Variants in SPAG5 observed in about 807,000 individuals in gnomAD.
The protein encoded by SPAG5 is sperm-associated antigen 5.
Under a neutral mutation model 145.4 loss-of-function variants are expected in SPAG5, and 99 were observed. The observed-to-expected ratio is 0.68, with a 90% CI of 0.58 to 0.80. The LOEUF (loss-of-function observed/expected upper bound fraction) is 0.80, where lower values mean the gene tolerates loss of function less well. Ranked by LOEUF, SPAG5 falls within the 30% of genes least tolerant of loss-of-function variation. The pLI is 0.00. For missense variants in SPAG5, 1,192 were observed against 1,416.0 expected (o/e 0.84, Z 2.54); for synonymous variants, 477 against 525.4 (o/e 0.91, Z 1.26).
At position 28,595,998 on chromosome 17, in the gene SPAG5, G is replaced by C. The variant is rs554572504; in HGVS notation, c.177+2512C>G. 2.7e-3 allele frequency among the ~76,000 whole-genome samples: 417 copies of C among 152,090 alleles called. 1 individual carries two copies. The highest frequency in any genetic ancestry group is 9.7e-3 in the African/African-American group (402 of 41,492). ...GGAGGCGGAGGTTGCAGTGACCCTA[G>C]ATGGCACCACTGCACTCCAGCCTGG... On this transcript the variant is annotated intron_variant, in intron 2 of 23. Coordinates refer to ENST00000321765, the MANE Select transcript of SPAG5 (RefSeq NM_006461.4).
chr17:28,591,647 T>C (rs1597598027), intron 4 of SPAG5, 51 bp downstream of exon 4: 2 of 1,516,102 alleles, frequency 1.3e-6, no homozygotes, highest in Non-Finnish European at 8.9e-7. Flanking sequence ...TCAGCTTAAA[T>C]TCCAAGGATC....
rs754366460 is a variant in SPAG5, at chr17:28,586,549, T to G, written c.1438-50A>C. ...CTTGTTTTGTTTGTTTGTTTGTTTT[T>G]GAGACAGAGTCTTGCTCTATCATCC... On this transcript the variant is annotated intron_variant, in intron 4 of 23. Transcript: ENST00000321765. The G allele has an allele frequency of 8.2e-5, 120 of 1,470,300 alleles. No individual in the cohort carries two copies. In the South Asian group the frequency reaches 1.3e-3, roughly 16 times the overall value. The allele number at this position is 1,470,300 out of a possible 1,614,324, so 91.1% of individuals were successfully genotyped here. A position where few individuals can be genotyped will look rare whatever the true frequency, so the allele number is the denominator to read the frequency against.
At chr17:28,578,323 A>C (rs1455930638) in intron 21 of SPAG5, 31 bp from the exon 22 acceptor site, 2 of 1,614,098 alleles carry the variant, frequency 1.2e-6, no homozygotes, top group East Asian at 2.2e-5. Flanking sequence ...ACAGGGGTAC[A>C]GCCTGGGGTC....
intron 2 of SPAG5, among the ~76,000 whole-genome samples, chr17:28,597,135 G>A (rs1425250897): frequency 6.6e-6 from 1 of 151,762 alleles, no homozygotes; most frequent in Non-Finnish European, 1.5e-5. Flanking sequence ...CAATTATTCA[G>A]GCCAGGCACA....
At chr17:28,586,867 G>A (rs950681734) in intron 4 of SPAG5, among the ~76,000 whole-genome samples, 14 of 152,174 alleles carry the variant, frequency 9.2e-5, no homozygotes, top group African/African-American at 3.4e-4. Flanking sequence ...TGTACCACCA[G>A]CACCTCATTC....
intron 2 of SPAG5, among the ~76,000 whole-genome samples, chr17:28,594,060 CAG>C (rs989333356): frequency 4.6e-5 from 7 of 151,936 alleles, no homozygotes; most frequent in African/African-American, 1.7e-4. Context: ...GGATACCTAA[CAG>C]TTAAATAAAA....
chr17:28,595,257 CAAAA>C (rs368277300), intron 2 of SPAG5, among the ~76,000 whole-genome samples: 3 of 58,120 alleles, frequency 5.2e-5, no homozygotes, highest in South Asian at 5.7e-4. Flanking sequence ...GACTCCTTCT[CAAAA>C]AAAAAAAAAA....
Position 28,599,004 on chromosome 17 carries a change from C to G in SPAG5, c.-58G>C. On this transcript the variant is annotated 5_prime_UTR_variant, in exon 1 of 24. Coordinates refer to ENST00000321765, the MANE Select transcript of SPAG5 (RefSeq NM_006461.4). Reference sequence around the variant, plus strand: ...GACCAAGTCGAGGACGCCATGTTCACCCGCCGTCTGTGTTTGAACCTGCTC... The same window carrying G: ...GACCAAGTCGAGGACGCCATGTTCAGCCGCCGTCTGTGTTTGAACCTGCTC... The G allele has an allele frequency of 6.4e-7, 1 of 1,555,724 alleles. No homozygotes were observed. Among genetic ancestry groups the G allele is most frequent in the Non-Finnish European group, 8.9e-7 (1 of 1,127,376 alleles).
rs754823752 is a variant in SPAG5 at position 28,579,370 on chromosome 17, T to C, written c.3000A>G (p.Arg1000=). The C allele has an allele frequency of 3.1e-6, 5 of 1,614,008 alleles. No homozygotes were observed. The highest frequency in any genetic ancestry group is 4.2e-6 in the Non-Finnish European group (5 of 1,180,002). Residue 1000 remains arginine (R), a synonymous_variant, in exon 18 of 24, where the codon CGA becomes CGG. Coordinates refer to ENST00000321765, the MANE Select transcript of SPAG5 (RefSeq NM_006461.4). ...CAAAACTGCATCCCACTCACATTTTTCGCTGCAGAGTCCTGATGGCTTCTT... is the reference window on the plus strand; with the variant it reads ...CAAAACTGCATCCCACTCACATTTTCCGCTGCAGAGTCCTGATGGCTTCTT... ...SKEEAIRTLQ[R]KICELQARLQ...
rs1026482616 is a variant in SPAG5, at chr17:28,592,942, G to A, written c.302C>T (p.Pro101Leu). 4 of 1,614,060 alleles carry A rather than the reference G, an allele frequency of 2.5e-6. No homozygotes were observed. Among genetic ancestry groups the A allele is most frequent in the Admixed American group, 3.3e-5 (2 of 59,992 alleles). ...ETCQHESDEQ[P>L]LDPIPQISST... is the part of the protein sequence containing the mutation. Reference sequence around the variant, plus strand: ...GCTAATTTGGGGAATTGGATCTAGAGGCTGCTCATCTGATTCATGCTGACA... The same window carrying A: ...GCTAATTTGGGGAATTGGATCTAGAAGCTGCTCATCTGATTCATGCTGACA... Residue 101 changes from proline to leucine, a missense_variant, in exon 3 of 24, where the codon CCT becomes CTT. Physicochemically the swap from Pro to Leu is moderately conservative, Grantham distance 98 (BLOSUM62 -3). This residue lies in a region of SPAG5 where 329 missense variants were observed against 354.0 expected (regional missense o/e 0.93). Coordinates refer to ENST00000321765, the MANE Select transcript of SPAG5 (RefSeq NM_006461.4).
At chr17:28,591,594 T>C in intron 4 of SPAG5, 104 bp downstream of exon 4, 1 of 1,071,058 alleles carries the variant, frequency 9.3e-7, no homozygotes, top group East Asian at 2.4e-5. Context: ...ATGTTCTAAG[T>C]ATAAGCCTGT....
At position 28,585,420 on chromosome 17, in the gene SPAG5, G is replaced by C. The variant is rs201152092; in HGVS notation, c.1861-9C>G. 11 of 1,614,004 alleles carry C rather than the reference G, an allele frequency of 6.8e-6. No individual in the cohort carries two copies. The highest frequency in any genetic ancestry group is 5.3e-5 in the African/African-American group (4 of 74,928). On this transcript the variant is annotated splice_polypyrimidine_tract_variant and intron_variant, in intron 8 of 23. Transcript: ENST00000321765. ...TTGGCATGAAGCCCTACCTACAAAAGAAAGATTGCCTAGGCGGGAACCCCT... is the reference window on the plus strand; with the variant it reads ...TTGGCATGAAGCCCTACCTACAAAACAAAGATTGCCTAGGCGGGAACCCCT...
At chr17:28,589,362 G>A (rs1241551091) in intron 4 of SPAG5, among the ~76,000 whole-genome samples, 2 of 152,106 alleles carry the variant, frequency 1.3e-5, no homozygotes, top group Non-Finnish European at 2.9e-5. Context: ...GCCTCCCAAA[G>A]TGTTGGGATT....
intron 14 of SPAG5, 40 bp downstream of exon 14, chr17:28,583,813 T>A (rs769805194): frequency 1.9e-6 from 3 of 1,582,024 alleles, no homozygotes; most frequent in African/African-American, 2.7e-5. Context: ...GAGAAAAAAA[T>A]AAGCACTTAG....
At position 28,578,443 on chromosome 17, in the gene SPAG5, C is replaced by A. The variant is rs747649016; in HGVS notation, c.3284G>T (p.Gly1095Val). 3 of 1,613,910 alleles carry A rather than the reference C, an allele frequency of 1.9e-6. No individual in the cohort carries two copies. In the African/African-American group the frequency reaches 4.0e-5, roughly 22 times the overall value. Residue 1095 changes from glycine to valine, a missense_variant, in exon 21 of 24, where the codon GGC becomes GTC. Coordinates refer to ENST00000321765, the MANE Select transcript of SPAG5 (RefSeq NM_006461.4). Reference sequence around the variant, plus strand: ...AGGCTGGCAGTTGGAGTCCAGCTGGCCTGCCAGGGCCTCCTGGAGCACTTT... The same window carrying A: ...AGGCTGGCAGTTGGAGTCCAGCTGGACTGCCAGGGCCTCCTGGAGCACTTT... ...ETKVLQEALA[G>V]QLDSNCQPMA...
chr17:28,592,702 C>A lies in SPAG5; in HGVS notation c.542G>T (p.Arg181Met), dbSNP rs1249011262. Residue 181 changes from arginine (R) to methionine (M), a missense_variant, in exon 3 of 24, where the codon AGG (arginine) becomes ATG (methionine). Arg to Met is a moderately conservative substitution (Grantham distance 91). Transcript: ENST00000321765. Reference protein sequence around the residue: ...REEVAPCMGDRFSEVAAVSEK... With the variant: ...REEVAPCMGDMFSEVAAVSEK... The stretch of plus-strand genomic sequence containing the variant: ...AGATACAGCAGCAACTTCTGAAAAC[C>A]TGTCTCCCATGCAGGGTGCCACCTC... 1 of 1,614,174 alleles carries A rather than the reference C, an allele frequency of 6.2e-7. No individual in the cohort carries two copies.
At chr17:28,579,064 G>A in intron 19 of SPAG5, 77 bp downstream of exon 19, 2 of 1,250,596 alleles carry the variant, frequency 1.6e-6, no homozygotes, top group Admixed American at 2.0e-5. Context: ...CCAGATTCCT[G>A]GAGAGATAAT....
chr17:28,592,178 G>C lies in SPAG5; in HGVS notation c.1066C>G (p.Leu356Val). The stretch of plus-strand genomic sequence containing the variant: ...GATAAGCTTTGGCGGAGATTTTCCA[G>C]CATGACGGAGGTATTTACACCTTTT... The part of the protein sequence containing the change: ...LEKGVNTSVM[L>V]ENLRQSLSLP... The change falls in exon 3 of 24, where the codon CTG becomes GTG. Residue 356 changes from leucine (L) to valine (V), a missense_variant. Leu to Val is a conservative substitution (Grantham distance 32). Around this residue, in one of 5 missense-constraint regions of SPAG5, gnomAD observed 125 missense variants for 143.8 expected, o/e 0.87. Transcript: ENST00000321765. 6 of 1,614,194 alleles carry C rather than the reference G, an allele frequency of 3.7e-6. No individual in the cohort carries two copies. Among genetic ancestry groups the C allele is most frequent in the Non-Finnish European group, 5.1e-6 (6 of 1,180,044 alleles).
chr17:28,578,106 A>G lies in SPAG5; in HGVS notation c.3430-16T>C. The G allele has an allele frequency of 6.2e-7, 1 of 1,613,508 alleles. No individual in the cohort carries two copies. Among genetic ancestry groups the G allele is most frequent in the Non-Finnish European group, 8.5e-7 (1 of 1,179,458 alleles). ...GGATATTTCTCTAGAAAGCAAACAG[A>G]TTTTATAAGTCCTATGCATAAAAGA... On this transcript the variant is annotated splice_polypyrimidine_tract_variant and intron_variant, in intron 22 of 23. Transcript: ENST00000321765.
Sources: allele counts gnomAD v4.1 joint callset (sites outside exome capture counted in the v4.1 genomes callset), GRCh38; gene constraint gnomAD v4.1.1; regional missense constraint gnomAD v4.1.1; transcripts MANE v1.5; gene names NCBI Gene and HGNC (gene_info 2026-07-23, HGNC 2026-07-21).